The following RSPO2 variants were observed in gnomAD, a reference collection of about 807,000 sequenced individuals.
RSPO2 encodes the protein R-spondin 2, also known as R-spondin-2.
RSPO2 carries 14 observed loss-of-function variants against 30.9 expected under a neutral mutation model. The ratio of observed to expected loss-of-function variants is 0.45; its 90% CI spans 0.30 to 0.71. The LOEUF (loss-of-function observed/expected upper bound fraction) is 0.71. RSPO2 is among the 30% of genes least tolerant of loss of function. The pLI is 0.08. For missense variants in RSPO2, 264 were observed against 301.9 expected (o/e 0.87, Z 0.93); for synonymous variants, 107 against 96.4 (o/e 1.11, Z -0.64).
At chr8:108,033,905 C>T (rs1444543470) in intron 2 of RSPO2, among the ~76,000 whole-genome samples, 1 of 152,208 alleles carries the variant, frequency 6.6e-6, no homozygotes, top group Admixed American at 6.5e-5. Context: ...CCACTGGCAA[C>T]ACCCTTCGCT....
intron 2 of RSPO2, among the ~76,000 whole-genome samples, chr8:108,001,989 C>T (rs990212930): frequency 3.9e-5 from 6 of 152,078 alleles, no homozygotes; most frequent in Admixed American, 1.3e-4. Context: ...ACCAACATGG[C>T]ACATATATAC....
intron 2 of RSPO2, among the ~76,000 whole-genome samples, chr8:107,993,981 T>G (rs948097385): frequency 6.6e-6 from 1 of 152,150 alleles, no homozygotes; most frequent in Non-Finnish European, 1.5e-5. Context: ...TCGTTGCATC[T>G]GCAAAGACCC....
chr8:107,966,873 G>C, intron 3 of RSPO2, among the ~76,000 whole-genome samples: 1 of 152,164 alleles, frequency 6.6e-6, no homozygotes, highest in Non-Finnish European at 1.5e-5. Flanking sequence ...TGGAGAAAGG[G>C]AAGAAGTCAA....
chr8:108,005,834 C>T (rs1815435405), intron 2 of RSPO2, among the ~76,000 whole-genome samples: 1 of 152,084 alleles, frequency 6.6e-6, no homozygotes, highest in Non-Finnish European at 1.5e-5. Context: ...GTCCAAGGTA[C>T]AGCATGTACA....
At position 107,899,864 on chromosome 8, in the gene RSPO2, G is replaced by A. The variant is rs1811384163; in HGVS notation, c.*1211C>T. 1 of 152,176 alleles carries A rather than the reference G, an allele frequency of 6.6e-6. No homozygotes were observed. The highest frequency in any genetic ancestry group is 1.5e-5 in the Non-Finnish European group (1 of 68,042). 9.4% of individuals were successfully genotyped at this position (152,176 alleles called of 1,614,324 possible). A position where few individuals can be genotyped will look rare whatever the true frequency, so the allele number is the denominator to read the frequency against. On this transcript the variant is annotated 3_prime_UTR_variant, in exon 6 of 6. Transcript: ENST00000276659. ...CCATCTTGGATCTGAAACAGATTCT[G>A]GCTCAACAGAAACCTGTTAAGATCT...
chr8:107,921,391 T>C (rs1267707802), intron 5 of RSPO2, among the ~76,000 whole-genome samples: 1 of 152,110 alleles, frequency 6.6e-6, no homozygotes, highest in Non-Finnish European at 1.5e-5. Flanking sequence ...TTTAAGTTTC[T>C]GTACTGTCTA....
intron 5 of RSPO2, among the ~76,000 whole-genome samples, chr8:107,910,663 C>T (rs993706454): frequency 6.6e-6 from 1 of 152,194 alleles, no homozygotes; most frequent in Non-Finnish European, 1.5e-5. Flanking sequence ...ATACATTCCC[C>T]ACTCTGTGCC....
chr8:107,935,865 A>G (rs1812708501), intron 5 of RSPO2, among the ~76,000 whole-genome samples: 2 of 152,086 alleles, frequency 1.3e-5, no homozygotes, highest in Non-Finnish European at 2.9e-5. Context: ...GTACATCTGA[A>G]TATTTGTTAC....
intron 5 of RSPO2, among the ~76,000 whole-genome samples, chr8:107,914,336 G>T (rs1357404694): frequency 6.6e-6 from 1 of 151,964 alleles, no homozygotes; most frequent in Non-Finnish European, 1.5e-5. Context: ...TTTGGCTTTT[G>T]ATGATTTAAG....
chr8:108,064,330 GA>G (rs931926617), intron 2 of RSPO2, among the ~76,000 whole-genome samples: 1 of 151,682 alleles, frequency 6.6e-6, no homozygotes, highest in Admixed American at 6.6e-5. Flanking sequence ...AAATTTACAA[GA>G]AAAAAACAAC....
At chr8:107,933,776 G>A (rs1812626037) in intron 5 of RSPO2, among the ~76,000 whole-genome samples, 2 of 151,958 alleles carry the variant, frequency 1.3e-5, no homozygotes, top group Admixed American at 1.3e-4. Context: ...GTATAACTTT[G>A]GACTTATTTC....
At chr8:107,983,908 A>G (rs1204531206) in intron 3 of RSPO2, 1 of 1,317,788 alleles carries the variant, frequency 7.6e-7, no homozygotes, top group Non-Finnish European at 1.1e-6. Context: ...TGGATTTTCC[A>G]TCTACAGAAC....
At position 107,899,942 on chromosome 8, in the gene RSPO2, G is replaced by A. The variant is rs921064496; in HGVS notation, c.*1133C>T. The A allele has an allele frequency of 6.6e-6, 1 of 152,162 alleles. No homozygotes were observed. Among genetic ancestry groups the A allele is most frequent in the Non-Finnish European group, 1.5e-5 (1 of 68,032 alleles). The allele number at this position is 152,162 out of a possible 1,614,324, so 9.4% of individuals were successfully genotyped here. On this transcript the variant is annotated 3_prime_UTR_variant, in exon 6 of 6. Transcript: ENST00000276659. ...TTATCTCCTAAAATTCTATGCCCAG[G>A]CTCATGGTAGTAGCTTCTTCAGTGA... is the stretch of plus-strand genomic sequence containing the variant.
At chr8:107,924,548 C>A (rs1278647294) in intron 5 of RSPO2, among the ~76,000 whole-genome samples, 1 of 151,918 alleles carries the variant, frequency 6.6e-6, no homozygotes, top group Non-Finnish European at 1.5e-5. Context: ...GCCAAGACTC[C>A]TCTGAATTAA....
At chr8:107,904,327 G>T (rs1262537262) in intron 5 of RSPO2, among the ~76,000 whole-genome samples, 1 of 148,996 alleles carries the variant, frequency 6.7e-6, no homozygotes, top group African/African-American at 2.5e-5. Flanking sequence ...CACAAGAGAA[G>T]ACTTGGAATA....
At chr8:107,903,191 T>G (rs1406998742) in intron 5 of RSPO2, among the ~76,000 whole-genome samples, 1 of 152,190 alleles carries the variant, frequency 6.6e-6, no homozygotes, top group Non-Finnish European at 1.5e-5. Flanking sequence ...GACTACATTT[T>G]AAATTCATTT....
chr8:108,082,889 T>A (rs1813255308), intron 1 of RSPO2, 82 bp from the exon 2 acceptor site: 2 of 485,684 alleles, frequency 4.1e-6, no homozygotes. Flanking sequence ...CACGTCCCAA[T>A]TTAAAGAAGA....
chr8:107,909,983 C>A (rs1220097630), intron 5 of RSPO2, among the ~76,000 whole-genome samples: 2 of 152,040 alleles, frequency 1.3e-5, no homozygotes, highest in African/African-American at 4.8e-5. Context: ...TAAATTAACT[C>A]AAAATAAATG....
Position 108,032,181 on chromosome 8 carries a change from CAAGAA to C in RSPO2, c.95-42942_95-42938del, listed in dbSNP as rs529973194. Among the ~76,000 whole-genome samples the C allele has an allele frequency of 1.4e-4, 21 of 152,134 alleles. No individual in the cohort carries two copies. The East Asian group carries it at 4.1e-3, about 29-fold the overall frequency. On this transcript the variant is annotated intron_variant, in intron 2 of 5. Transcript: ENST00000276659. ...TTAAAAAAGAAAAATAATAGGAAAA[CAAGAA>C]TAGAAAAGGAAAGCAGAGAAGAGGA...
Sources: allele counts gnomAD v4.1 joint callset (sites outside exome capture counted in the v4.1 genomes callset), GRCh38; gene constraint gnomAD v4.1.1; transcripts MANE v1.5; gene names NCBI Gene and HGNC (gene_info 2026-07-23, HGNC 2026-07-21).